IRS1: variants seen among roughly 807,000 people sequenced by gnomAD.
The protein encoded by IRS1 is insulin receptor substrate 1.
Under a neutral mutation model 65.6 loss-of-function variants are expected in IRS1, and 34 were observed. The observed-to-expected ratio is 0.52, with a 90% CI of 0.39 to 0.69. IRS1 has a LOEUF of 0.69. Ranked by LOEUF, IRS1 falls within the 30% of genes least tolerant of loss-of-function variation. The pLI is 0.00. For synonymous variants in IRS1, 699 were observed against 683.5 expected (o/e 1.02, Z -0.35); for missense variants, 1,641 against 1,720.2 (o/e 0.95, Z 0.81).
At chr2:226,751,355 C>G (rs1055158507) in intron 1 of IRS1, among the ~76,000 whole-genome samples, 5 of 140,736 alleles carry the variant, frequency 3.6e-5, no homozygotes, top group Admixed American at 7.8e-5. Context: ...GCAATCTCGG[C>G]TCACTGCAAG....
chr2:226,751,344 C>T (rs941854493), intron 1 of IRS1, among the ~76,000 whole-genome samples: 2 of 128,720 alleles, frequency 1.6e-5, no homozygotes, highest in Admixed American at 1.9e-4. Flanking sequence ...AGTGCAGTGG[C>T]GCAATCTCGG....
At position 226,798,034 on chromosome 2, in the gene IRS1, C is replaced by T; in HGVS notation, c.705G>A (p.Glu235=). The T allele has an allele frequency of 1.9e-6, 3 of 1,614,126 alleles. No individual in the cohort carries two copies. Among genetic ancestry groups the T allele is most frequent in the Non-Finnish European group, 2.5e-6 (3 of 1,180,018 alleles). Residue 235 remains glutamate (E), a synonymous_variant, in exon 1 of 2, where the codon GAG becomes GAA. Coordinates refer to ENST00000305123, the MANE Select transcript of IRS1 (RefSeq NM_005544.3). This position sits in a 1 kb window ranked among gnomAD's most constrained non-coding sequence, Gnocchi z 9.4. ...VGRSAVTGPG[E]FWMQVDDSVV... is the part of the protein sequence containing the mutation. ...CAGAGTCATCCACCTGCATCCAGAA[C>T]TCCCCGGGCCCCGTCACGGCAGAAC...
intron 1 of IRS1, among the ~76,000 whole-genome samples, chr2:226,773,941 T>G (rs1335284116): frequency 6.6e-6 from 1 of 152,166 alleles, no homozygotes; most frequent in African/African-American, 2.4e-5. Flanking sequence ...GCTAATTGGA[T>G]AGTAGCTGCC....
chr2:226,778,827 C>T (rs1193163805), intron 1 of IRS1, among the ~76,000 whole-genome samples: 3 of 152,232 alleles, frequency 2.0e-5, no homozygotes, highest in African/African-American at 7.2e-5. Flanking sequence ...CAGATCTCGA[C>T]TTTCATGTAA....
intron 1 of IRS1, among the ~76,000 whole-genome samples, chr2:226,766,834 A>T (rs1167145504): frequency 6.6e-6 from 1 of 152,190 alleles, no homozygotes. Context: ...ACCATTCCAT[A>T]TGGTAGGATT....
intron 1 of IRS1, among the ~76,000 whole-genome samples, chr2:226,766,163 A>ATTTTTTTTT (rs5839180): frequency 1.1e-3 from 5 of 4,592 alleles, no homozygotes; most frequent in South Asian, 0.012. Context: ...ATATATATAT[A>ATTTTTTTTT]TTTTTTTTTT....
intron 1 of IRS1, among the ~76,000 whole-genome samples, chr2:226,791,631 G>C (rs1055617120): frequency 1.3e-5 from 2 of 151,894 alleles, no homozygotes; most frequent in African/African-American, 2.4e-5. Flanking sequence ...AAGCGGCCCA[G>C]GGACGCCCGC....
intron 1 of IRS1, among the ~76,000 whole-genome samples, chr2:226,761,544 C>T (rs1379522643): frequency 6.6e-6 from 1 of 152,164 alleles, no homozygotes; most frequent in East Asian, 1.9e-4. Flanking sequence ...TGGCCCCCTT[C>T]TCCACTCTGG....
chr2:226,747,454 C>T (rs748433134), intron 1 of IRS1, among the ~76,000 whole-genome samples: 82 of 152,152 alleles, frequency 5.4e-4, no homozygotes, highest in African/African-American at 1.5e-3. Context: ...AATAAGAAGA[C>T]GGCCATCGTA....
At chr2:226,750,267 AAAAG>A (rs1469269017) in intron 1 of IRS1, among the ~76,000 whole-genome samples, 1 of 151,634 alleles carries the variant, frequency 6.6e-6, no homozygotes, top group African/African-American at 2.4e-5. Context: ...AAAAAAAAAA[AAAAG>A]AATCATTAAA....
In IRS1 at chr2:226,795,846, G is replaced by A; in HGVS notation, c.2893C>T (p.Leu965=). 6.2e-7 allele frequency: 1 copy of A among 1,613,390 alleles called. No individual in the cohort carries two copies. The highest frequency in any genetic ancestry group is 8.5e-7 in the Non-Finnish European group (1 of 1,179,932). The change falls in exon 1 of 2, where the codon CTG becomes TTG. Residue 965 remains leucine (L), a synonymous_variant. Transcript: ENST00000305123. The part of the protein sequence containing the change: ...QESTGVEMGR[L]GPAPPGAASI... The stretch of plus-strand genomic sequence containing the variant: ...GCAGCCCCGGGAGGTGCAGGGCCCA[G>A]TCTGCCCATCTCGACCCCAGTGCTC...
At chr2:226,789,541 C>T (rs1939549386) in intron 1 of IRS1, among the ~76,000 whole-genome samples, 1 of 152,208 alleles carries the variant, frequency 6.6e-6, no homozygotes, top group African/African-American at 2.4e-5. Flanking sequence ...TCTCAAATTT[C>T]CTTACCATTC....
intron 1 of IRS1, among the ~76,000 whole-genome samples, chr2:226,791,316 ATC>A: frequency 6.6e-6 from 1 of 152,120 alleles, no homozygotes. Flanking sequence ...CTGCTCGCGG[ATC>A]TCGAGACCGG....
At chr2:226,771,226 G>GA (rs1939158560) in intron 1 of IRS1, among the ~76,000 whole-genome samples, 1 of 152,162 alleles carries the variant, frequency 6.6e-6, no homozygotes, top group South Asian at 2.1e-4. Flanking sequence ...AGGTGTTGGG[G>GA]AAGGATGACG....
intron 1 of IRS1, among the ~76,000 whole-genome samples, chr2:226,739,372 G>C (rs1357004736): frequency 6.6e-6 from 1 of 152,114 alleles, no homozygotes; most frequent in Non-Finnish European, 1.5e-5. Context: ...CCAACTTGGG[G>C]GCTGCATACT....
intron 1 of IRS1, among the ~76,000 whole-genome samples, chr2:226,766,140 TATATA>T (rs1939033003): frequency 1.2e-3 from 5 of 4,246 alleles, no homozygotes; most frequent in African/African-American, 2.3e-3. Context: ...TATATATATA[TATATA>T]TATATATATA....
intron 1 of IRS1, among the ~76,000 whole-genome samples, chr2:226,756,497 A>G (rs1004436477): frequency 6.6e-6 from 1 of 152,224 alleles, no homozygotes; most frequent in Non-Finnish European, 1.5e-5. Flanking sequence ...ACAAACTAAC[A>G]TATTTTCCCT....
At position 226,797,705 on chromosome 2, in the gene IRS1, C is replaced by T. The variant is rs760657606; in HGVS notation, c.1034G>A (p.Ser345Asn). The change falls in exon 1 of 2, where the codon AGC becomes AAC. Residue 345 changes from serine to asparagine, a missense_variant. This residue lies in a region of IRS1 where 1,324 missense variants were observed against 1,361.0 expected (regional missense o/e 0.97). Transcript: ENST00000305123. The surrounding 1 kb of genome is among the most constrained non-coding windows in gnomAD (Gnocchi z 8.1). ...TCTGTTGGTGCTGGGACTCACAGGG[C>T]TGCCGTCCACCGAGGCTGGGCGGGA... Reference protein sequence around the residue: ...TMSRPASVDGSPVSPSTNRTH... With the variant: ...TMSRPASVDGNPVSPSTNRTH... 1 of 1,597,774 alleles carries T rather than the reference C, an allele frequency of 6.3e-7. No homozygotes were observed. The highest frequency in any genetic ancestry group is 8.5e-7 in the Non-Finnish European group (1 of 1,178,890).
chr2:226,754,512 G>A (rs1295559899), intron 1 of IRS1, among the ~76,000 whole-genome samples: 2 of 152,152 alleles, frequency 1.3e-5, no homozygotes, highest in South Asian at 2.1e-4. Context: ...CAAGAAAACC[G>A]AGGTTTAGAA....
Sources: gnomAD v4.1 joint callset for allele counts (sites outside exome capture counted in the v4.1 genomes callset) on GRCh38, gnomAD v4.1.1 for gene constraint, gnomAD v4.1.1 regional missense constraint, Gnocchi (gnomAD v3.1) non-coding constraint, MANE v1.5 for transcripts, NCBI Gene and HGNC (gene_info 2026-07-23, HGNC 2026-07-21) for gene names.